The following FANCI variants were observed in gnomAD, a reference collection of about 807,000 sequenced individuals.
FANCI encodes the protein FA complementation group I.
Under a neutral mutation model 176.1 loss-of-function variants are expected in FANCI, and 156 were observed. That is an observed-to-expected ratio of 0.89 (90% confidence interval 0.78 to 1.01). The LOEUF is 1.01. FANCI is among the 50% of genes least tolerant of loss of function. FANCI has a pLI of 0.00. For missense variants in FANCI, 1,678 were observed against 1,534.1 expected (o/e 1.09, Z -1.57); for synonymous variants, 613 against 541.7 (o/e 1.13, Z -1.83).
chr15:89,291,774 T>C (rs940623147), intron 20 of FANCI, 60 bp downstream of exon 20: 3 of 1,316,356 alleles, frequency 2.3e-6, no homozygotes, highest in Non-Finnish European at 3.3e-6. Context: ...GGTTGAACTT[T>C]GCAAAGAGAT....
chr15:89,270,090 C>T lies in FANCI; in HGVS notation c.882+1565C>T, dbSNP rs1463508320. On this transcript the variant is annotated intron_variant, in intron 10 of 37. Coordinates refer to ENST00000310775, the MANE Select transcript of FANCI (RefSeq NM_001113378.2). The stretch of plus-strand genomic sequence containing the variant: ...CCTCCCAAAGTGCTGAGATTACAGG[C>T]GTGAGCCACTGCACTGGCCTTCCTT... Among the ~76,000 whole-genome samples the T allele has an allele frequency of 3.3e-5, 5 of 152,250 alleles. No individual in the cohort carries two copies. The East Asian group carries it at 7.7e-4, about 24-fold the overall frequency.
chr15:89,256,908 T>TC (rs1158456471), intron 2 of FANCI, among the ~76,000 whole-genome samples: 1 of 152,088 alleles, frequency 6.6e-6, no homozygotes, highest in Admixed American at 6.5e-5. Flanking sequence ...TTTCTTTCTT[T>TC]TTTGTTGTTT....
intron 37 of FANCI, among the ~76,000 whole-genome samples, chr15:89,315,950 C>G (rs904189708): frequency 1.3e-5 from 2 of 152,194 alleles, no homozygotes; most frequent in South Asian, 4.1e-4. Context: ...AGTAGCAAAT[C>G]AGTAGCCCAC....
intron 17 of FANCI, among the ~76,000 whole-genome samples, chr15:89,283,913 C>T (rs1169446024): frequency 6.6e-6 from 1 of 151,944 alleles, no homozygotes; most frequent in African/African-American, 2.4e-5. Flanking sequence ...CAGGCGCCTG[C>T]TACCGTGCCT....
At chr15:89,263,162 A>G (rs1208040763) in intron 6 of FANCI, among the ~76,000 whole-genome samples, 1 of 152,238 alleles carries the variant, frequency 6.6e-6, no homozygotes, top group Non-Finnish European at 1.5e-5. Context: ...CTTGTCATAC[A>G]TTCCCTAAAA....
intron 24 of FANCI, among the ~76,000 whole-genome samples, chr15:89,299,302 G>A (rs1184003557): frequency 6.6e-6 from 1 of 152,096 alleles, no homozygotes; most frequent in Non-Finnish European, 1.5e-5. Context: ...CTATTCCGTG[G>A]TAAATTCATC....
At position 89,260,782 on chromosome 15, in the gene FANCI, T is replaced by A; in HGVS notation, c.227T>A (p.Val76Glu). The A allele has an allele frequency of 6.2e-7, 1 of 1,614,034 alleles. No individual in the cohort carries two copies. The highest frequency in any genetic ancestry group is 8.5e-7 in the Non-Finnish European group (1 of 1,179,934). ...RKIYTCCIQL[V>E]ESGDLQKEIA... ...ATATACACTTGTTGTATCCAGTTGGTGGAATCGGGGGATTTGCAGAAAGAA... is the reference window on the plus strand; with the variant it reads ...ATATACACTTGTTGTATCCAGTTGGAGGAATCGGGGGATTTGCAGAAAGAA... Residue 76 changes from valine (V) to glutamate (E), a missense_variant, in exon 4 of 38, where the codon GTG (valine) becomes GAG (glutamate). Physicochemically the swap from Val to Glu is moderately radical, Grantham distance 121. Transcript: ENST00000310775.
chr15:89,310,363 T>A (rs1329579616), intron 34 of FANCI, among the ~76,000 whole-genome samples: 1 of 152,226 alleles, frequency 6.6e-6, no homozygotes, highest in Non-Finnish European at 1.5e-5. Context: ...ACCTGGTACT[T>A]GTTGACATGT....
intron 18 of FANCI, among the ~76,000 whole-genome samples, chr15:89,285,642 T>C (rs867192169): frequency 1.6e-4 from 24 of 152,228 alleles, no homozygotes; most frequent in Middle Eastern, 3.4e-3. Flanking sequence ...AGGTGAGAAA[T>C]CATAAAACAC....
intron 18 of FANCI, among the ~76,000 whole-genome samples, chr15:89,287,387 T>TG (rs1163326098): frequency 6.6e-6 from 1 of 152,202 alleles, no homozygotes; most frequent in African/African-American, 2.4e-5. Context: ...TTTATAGAAT[T>TG]GAAGAGTTTG....
At position 89,292,769 on chromosome 15, in the gene FANCI, G is replaced by T. The variant is rs998231801; in HGVS notation, c.2074G>T (p.Glu692Ter). 6 of 1,613,808 alleles carry T rather than the reference G, an allele frequency of 3.7e-6. No individual in the cohort carries two copies. Among genetic ancestry groups the T allele is most frequent in the Non-Finnish European group, 5.1e-6 (6 of 1,179,834 alleles). Residue 692 changes from glutamate (E) to a stop codon, truncating the protein, a stop_gained, in exon 21 of 38, where the codon GAG becomes TAG. Transcript: ENST00000310775. LOFTEE classifies it high-confidence loss of function. ...VIPLQQGEEE[E>*]EEEEAFYEDL... is the part of the protein sequence containing the mutation. ...ACCCTTACAGCAGGGAGAGGAGGAAGAGGAGGAGGAAGAGGCATTCTACGA... is the reference window on the plus strand; with the variant it reads ...ACCCTTACAGCAGGGAGAGGAGGAATAGGAGGAGGAAGAGGCATTCTACGA...
intron 31 of FANCI, 57 bp from the exon 32 acceptor site, chr15:89,305,950 T>C: frequency 1.3e-6 from 2 of 1,561,670 alleles, no homozygotes; most frequent in Non-Finnish European, 1.8e-6. Context: ...AAATCTCCTT[T>C]ACTCTTAATT....
chr15:89,281,363 G>A, intron 15 of FANCI, 63 bp downstream of exon 15: 1 of 1,577,504 alleles, frequency 6.3e-7, no homozygotes, highest in Non-Finnish European at 8.7e-7. Flanking sequence ...GTGGAAGTCT[G>A]ATGCATTTTT....
intron 27 of FANCI, 37 bp from the exon 28 acceptor site, chr15:89,303,827 G>A (rs373373451): frequency 2.2e-5 from 35 of 1,583,510 alleles, no homozygotes; most frequent in Non-Finnish European, 2.8e-5. Flanking sequence ...TCTATCTCTG[G>A]CATGTTTCTT....
intron 10 of FANCI, 45 bp from the exon 11 acceptor site, chr15:89,273,327 GAAAAA>G: frequency 1.4e-6 from 1 of 710,716 alleles, no homozygotes; most frequent in African/African-American, 2.5e-5. Flanking sequence ...AAAAAAAAAA[GAAAAA>G]AGAAAATGTA....
At chr15:89,313,973 T>TCTCACACACACA (rs1491452047) in intron 35 of FANCI, among the ~76,000 whole-genome samples, 1 of 98,286 alleles carries the variant, frequency 1.0e-5, no homozygotes, top group African/African-American at 4.3e-5. Context: ...AGATATATAA[T>TCTCACACACACA]CACACACACA....
At chr15:89,270,651 T>C (rs922330436) in intron 10 of FANCI, among the ~76,000 whole-genome samples, 15 of 152,252 alleles carry the variant, frequency 9.9e-5, no homozygotes, top group African/African-American at 3.4e-4. Flanking sequence ...CCCTATTGTT[T>C]TGAATATCAT....
rs539113897 is a variant in FANCI, at chr15:89,257,853, C to A, written c.85-851C>A. On this transcript the variant is annotated intron_variant, in intron 2 of 37. Coordinates refer to ENST00000310775, the MANE Select transcript of FANCI (RefSeq NM_001113378.2). ...CAGGTATCCCCATTTCACTCTTAAACCCCCATAACTCATTCTCCACACAAG... is the reference window on the plus strand; with the variant it reads ...CAGGTATCCCCATTTCACTCTTAAAACCCCATAACTCATTCTCCACACAAG... Among the ~76,000 whole-genome samples the A allele has an allele frequency of 2.0e-5, 3 of 152,214 alleles. No homozygotes were observed. The South Asian group carries it at 6.2e-4, about 32-fold the overall frequency.
chr15:89,307,987 A>G, intron 34 of FANCI: 2 of 1,259,360 alleles, frequency 1.6e-6, no homozygotes, highest in Non-Finnish European at 2.0e-6. Context: ...GCCATGAGGC[A>G]TCCTCTGGGA....
Sources: allele counts gnomAD v4.1 joint callset (sites outside exome capture counted in the v4.1 genomes callset), GRCh38; gene constraint gnomAD v4.1.1; transcripts MANE v1.5; gene names NCBI Gene and HGNC (gene_info 2026-07-23, HGNC 2026-07-21).